GALNT13: variants seen among roughly 807,000 people sequenced by gnomAD.
The protein encoded by GALNT13 is polypeptide N-acetylgalactosaminyltransferase 13, also known as UDP-GalNAc:polypeptide N-acetylgalactosaminyltransferase 13.
In GALNT13, 28 loss-of-function variants were observed where a neutral mutation model predicts 64.2. The ratio of observed to expected loss-of-function variants is 0.44; its 90% CI spans 0.32 to 0.60. The LOEUF (loss-of-function observed/expected upper bound fraction) is 0.60, where lower values mean the gene tolerates loss of function less well. GALNT13 is among the 20% of genes least tolerant of loss of function. The probability of loss-of-function intolerance (pLI) is 0.05; values close to 1 mark genes in which losing one functional copy is unlikely to be tolerated. For missense variants in GALNT13, 577 were observed against 669.8 expected, an observed-to-expected ratio of 0.86 and a Z score of 1.53; for synonymous variants, 214 against 224.6, an observed-to-expected ratio of 0.95 and a Z score of 0.42.
the GALNT13 span, among the ~76,000 whole-genome samples, chr2:153,387,240 C>T: frequency 2.0e-4 from 31 of 152,116 alleles, no homozygotes; most frequent in South Asian, 6.4e-3. Flanking sequence ...GGTATCTGAG[C>T]AGATTTAAAT....
At chr2:153,597,710 T>G in the GALNT13 span, among the ~76,000 whole-genome samples, 1 of 152,100 alleles carries the variant, frequency 6.6e-6, no homozygotes, top group South Asian at 2.1e-4. Flanking sequence ...AGAAAATGTT[T>G]GCAAATCATA....
At chr2:154,286,701 C>A in intron 8 of GALNT13, 1 of 301,862 alleles carries the variant, frequency 3.3e-6, no homozygotes, top group South Asian at 3.4e-5. Context: ...ACAGAGCTGC[C>A]ATCTTTGACT....
At chr2:154,214,364 C>T (rs1469004629) in intron 4 of GALNT13, among the ~76,000 whole-genome samples, 1 of 152,058 alleles carries the variant, frequency 6.6e-6, no homozygotes, top group African/African-American at 2.4e-5. Flanking sequence ...AGTGATCCAC[C>T]TTTGCTTGTT....
intron 3 of GALNT13, among the ~76,000 whole-genome samples, chr2:154,126,464 T>A (rs557049099): frequency 1.3e-5 from 2 of 151,474 alleles, no homozygotes; most frequent in East Asian, 3.9e-4. Context: ...TGAAACCCCG[T>A]CTCTACTAAA....
chr2:153,077,907 A>G, the GALNT13 span, among the ~76,000 whole-genome samples: 1 of 152,248 alleles, frequency 6.6e-6, no homozygotes, highest in African/African-American at 2.4e-5. Flanking sequence ...ATCAAATTAG[A>G]ATAAAACTTT....
intron 2 of GALNT13, among the ~76,000 whole-genome samples, chr2:153,909,915 T>C (rs1352166068): frequency 6.6e-6 from 1 of 152,012 alleles, no homozygotes; most frequent in Non-Finnish European, 1.5e-5. Flanking sequence ...CACTGCAAGG[T>C]TTTGGTATCA....
At chr2:154,074,600 C>T (rs1397703764) in intron 3 of GALNT13, among the ~76,000 whole-genome samples, 1 of 151,766 alleles carries the variant, frequency 6.6e-6, no homozygotes, top group Non-Finnish European at 1.5e-5. Flanking sequence ...GGCCAGCATT[C>T]TCTTGATACC....
At chr2:153,522,287 C>T in the GALNT13 span, among the ~76,000 whole-genome samples, 1 of 151,792 alleles carries the variant, frequency 6.6e-6, no homozygotes. Context: ...GAGCCCAGAT[C>T]GCGCCATTGC....
the GALNT13 span, among the ~76,000 whole-genome samples, chr2:153,255,157 A>G: frequency 6.6e-6 from 1 of 150,914 alleles, no homozygotes; most frequent in African/African-American, 2.4e-5. Flanking sequence ...GTGCTCCTGT[A>G]TTGGGTGCAT....
chr2:153,070,955 AGACT>A, the GALNT13 span, among the ~76,000 whole-genome samples: 2 of 152,226 alleles, frequency 1.3e-5, no homozygotes, highest in African/African-American at 4.8e-5. Flanking sequence ...ATGACTTATG[AGACT>A]GACACAAGAA....
chr2:154,412,549 T>A (rs1375697063), intron 11 of GALNT13, among the ~76,000 whole-genome samples: 1 of 151,718 alleles, frequency 6.6e-6, no homozygotes, highest in African/African-American at 2.4e-5. Flanking sequence ...TAAAAAAAGG[T>A]ATTTTTTTTT....
intron 4 of GALNT13, among the ~76,000 whole-genome samples, chr2:154,174,087 A>T (rs552975756): frequency 1.3e-5 from 2 of 152,080 alleles, no homozygotes; most frequent in African/African-American, 2.4e-5. Flanking sequence ...CTTAAATTAG[A>T]TATAGATAAT....
chr2:153,827,625 CAAAA>C, the GALNT13 span, among the ~76,000 whole-genome samples: 3 of 90,456 alleles, frequency 3.3e-5, no homozygotes, highest in Non-Finnish European at 4.6e-5. Flanking sequence ...GACTCCGTCC[CAAAA>C]AAAAAAAAAA....
At chr2:153,365,555 C>A in the GALNT13 span, among the ~76,000 whole-genome samples, 2 of 152,004 alleles carry the variant, frequency 1.3e-5, no homozygotes, top group African/African-American at 2.4e-5. Flanking sequence ...AAGAAAAAAA[C>A]AAATGGCCCC....
the GALNT13 span, among the ~76,000 whole-genome samples, chr2:153,521,267 G>A: frequency 2.0e-5 from 3 of 151,686 alleles, no homozygotes; most frequent in Non-Finnish European, 2.9e-5. Context: ...GGTAGTGGAT[G>A]ATAAATACCA....
rs1404051639 is a variant in GALNT13, at chr2:154,298,547, T to TA, written c.976-2859dup. On this transcript the variant is annotated intron_variant, in intron 8 of 12. Coordinates refer to ENST00000392825, the MANE Select transcript of GALNT13 (RefSeq NM_052917.4). Reference sequence around the variant, plus strand: ...ATATAAAATTGTATATATTTATATATAAATTGTATATATAATTTATATATA... The same window carrying TA: ...ATATAAAATTGTATATATTTATATATAAAATTGTATATATAATTTATATATA... 3.7e-3 allele frequency among the ~76,000 whole-genome samples: 230 copies of TA among 62,306 alleles called. 11 individuals carry two copies. The highest frequency in any genetic ancestry group is 6.8e-3 in the African/African-American group (157 of 23,200). 40.9% of individuals were successfully genotyped at this position (62,306 alleles called of 152,430 possible).
chr2:153,283,468 G>A, the GALNT13 span, among the ~76,000 whole-genome samples: 2 of 152,148 alleles, frequency 1.3e-5, no homozygotes, highest in Non-Finnish European at 2.9e-5. Flanking sequence ...GCCTGGTCAT[G>A]TGTTGAAGAG....
the GALNT13 span, among the ~76,000 whole-genome samples, chr2:153,866,287 T>C: frequency 1.0e-5 from 1 of 100,248 alleles, no homozygotes; most frequent in Non-Finnish European, 2.2e-5. Context: ...AATGTGCACA[T>C]GCACCCTAAA....
chr2:153,400,868 A>G, the GALNT13 span, among the ~76,000 whole-genome samples: 1 of 152,172 alleles, frequency 6.6e-6, no homozygotes, highest in East Asian at 1.9e-4. Flanking sequence ...GATCCTTTCA[A>G]AAAACCAGCT....
Sources: gnomAD v4.1 joint callset for allele counts (sites outside exome capture counted in the v4.1 genomes callset) on GRCh38, gnomAD v4.1.1 for gene constraint, MANE v1.5 for transcripts, NCBI Gene and HGNC (gene_info 2026-07-23, HGNC 2026-07-21) for gene names.